The following SLC35F4 variants were observed in gnomAD, a reference collection of about 807,000 sequenced individuals.
SLC35F4 encodes solute carrier family 35 member F4.
In SLC35F4, 24 loss-of-function variants were observed where a neutral mutation model predicts 44.2. That is an observed-to-expected ratio of 0.54 (90% CI 0.39 to 0.76). SLC35F4 has a LOEUF of 0.76. SLC35F4 is among the 30% of genes least tolerant of loss of function. The pLI, the probability that SLC35F4 is intolerant of heterozygous loss-of-function variation, is 0.00. For missense variants in SLC35F4, 562 were observed against 586.1 expected (o/e 0.96, Z 0.42); for synonymous variants, 238 against 223.6 (o/e 1.06, Z -0.57).
intron 1 of SLC35F4, among the ~76,000 whole-genome samples, chr14:57,605,406 T>C (rs1480477955): frequency 6.6e-6 from 1 of 152,152 alleles, no homozygotes; most frequent in African/African-American, 2.4e-5. Flanking sequence ...CACAGTGACA[T>C]ACCGTCTCAC....
chr14:57,691,270 G>A (rs2075224444), intron 1 of SLC35F4, among the ~76,000 whole-genome samples: 1 of 152,170 alleles, frequency 6.6e-6, no homozygotes, highest in African/African-American at 2.4e-5. Context: ...GCAGAAAGAT[G>A]AAATGCTAGT....
At chr14:57,691,852 T>A (rs922077299) in intron 1 of SLC35F4, among the ~76,000 whole-genome samples, 2 of 151,860 alleles carry the variant, frequency 1.3e-5, no homozygotes, top group African/African-American at 4.8e-5. Context: ...GCTACGGGGG[T>A]GGAGGGCCTT....
At chr14:57,913,769 A>G (rs892202554) in intron 1 of SLC35F4, among the ~76,000 whole-genome samples, 10 of 152,106 alleles carry the variant, frequency 6.6e-5, no homozygotes, top group East Asian at 1.9e-4. Flanking sequence ...TCATTCTCCA[A>G]TGTTTTTCCT....
At chr14:57,804,269 A>G (rs1595104516) in intron 1 of SLC35F4, among the ~76,000 whole-genome samples, 1 of 152,188 alleles carries the variant, frequency 6.6e-6, no homozygotes, top group East Asian at 1.9e-4. Flanking sequence ...CAAAAAAACT[A>G]TTTAAAAATT....
chr14:57,973,035 C>T (rs563786793), downstream of SLC35F4, among the ~76,000 whole-genome samples: 45 of 152,254 alleles, frequency 3.0e-4, no homozygotes, highest in Middle Eastern at 3.4e-3. Flanking sequence ...TAAAGTCATT[C>T]TTTAGATTAG....
At chr14:57,768,622 T>C (rs750815310) in intron 1 of SLC35F4, among the ~76,000 whole-genome samples, 5 of 152,240 alleles carry the variant, frequency 3.3e-5, no homozygotes, top group African/African-American at 4.8e-5. Context: ...TAATAGCAGA[T>C]CACAATTTCT....
intron 1 of SLC35F4, among the ~76,000 whole-genome samples, chr14:57,682,703 T>C (rs1273198772): frequency 6.6e-6 from 1 of 152,010 alleles, no homozygotes; most frequent in East Asian, 1.9e-4. Flanking sequence ...TAAATTATAA[T>C]ACCCAGTGTT....
At chr14:57,711,114 G>C (rs2075808064) in intron 1 of SLC35F4, among the ~76,000 whole-genome samples, 2 of 152,134 alleles carry the variant, frequency 1.3e-5, no homozygotes, top group Admixed American at 1.3e-4. Flanking sequence ...TACCCAGTGG[G>C]TAGTGATTGG....
chr14:57,564,720 G>A (rs1034066677), intron 7 of SLC35F4, among the ~76,000 whole-genome samples: 6 of 152,086 alleles, frequency 3.9e-5, no homozygotes, highest in Admixed American at 2.6e-4. Flanking sequence ...ACTTGTGCAG[G>A]CTGTTCTTTT....
At chr14:57,631,157 T>C (rs1456349284) in intron 1 of SLC35F4, 1 of 152,284 alleles carries the variant, frequency 6.6e-6, no homozygotes, top group Non-Finnish European at 1.5e-5. Context: ...CTTGTCAAGG[T>C]GTCTTGTCAT....
chr14:57,668,685 C>T (rs139353432), intron 1 of SLC35F4, among the ~76,000 whole-genome samples: 2 of 151,872 alleles, frequency 1.3e-5, no homozygotes, highest in Non-Finnish European at 2.9e-5. Flanking sequence ...GTTCCATTGG[C>T]CTATATCTCT....
chr14:57,927,467 GTT>G (rs34018712), intron 1 of SLC35F4, among the ~76,000 whole-genome samples: 2 of 140,904 alleles, frequency 1.4e-5, no homozygotes, highest in South Asian at 2.3e-4. Flanking sequence ...GGTGGTTTGA[GTT>G]TTTTTTTTTT....
chr14:57,820,760 C>T (rs1883092707), intron 1 of SLC35F4, among the ~76,000 whole-genome samples: 1 of 152,054 alleles, frequency 6.6e-6, no homozygotes, highest in African/African-American at 2.4e-5. Context: ...AGTGTCAGAT[C>T]TCATGACAAG....
intron 1 of SLC35F4, among the ~76,000 whole-genome samples, chr14:57,604,709 C>T: frequency 6.6e-6 from 1 of 152,128 alleles, no homozygotes. Flanking sequence ...CAAACTAATG[C>T]TACAAGGCTA....
At chr14:57,639,487 T>C (rs1029819298) in intron 1 of SLC35F4, among the ~76,000 whole-genome samples, 1 of 152,030 alleles carries the variant, frequency 6.6e-6, no homozygotes, top group African/African-American at 2.4e-5. Context: ...TATGTTCAGA[T>C]TGGGTTTACC....
At chr14:57,921,698 T>C (rs1462830611) in intron 1 of SLC35F4, among the ~76,000 whole-genome samples, 1 of 152,182 alleles carries the variant, frequency 6.6e-6, no homozygotes, top group Admixed American at 6.5e-5. Flanking sequence ...TGTCTTCCCT[T>C]CATGTGGGTC....
At chr14:57,651,111 C>A (rs1007444464) in intron 1 of SLC35F4, among the ~76,000 whole-genome samples, 1 of 152,160 alleles carries the variant, frequency 6.6e-6, no homozygotes, top group African/African-American at 2.4e-5. Flanking sequence ...TAGTGCCTCC[C>A]TCTCCCATTA....
chr14:57,640,905 A>G (rs2073202094), intron 1 of SLC35F4, among the ~76,000 whole-genome samples: 1 of 152,026 alleles, frequency 6.6e-6, no homozygotes, highest in Non-Finnish European at 1.5e-5. Flanking sequence ...GGCAATTGAT[A>G]TAGCATGAAC....
intron 1 of SLC35F4, among the ~76,000 whole-genome samples, chr14:57,964,989 A>ATATATATATATAT (rs1351434287): frequency 1.5e-4 from 19 of 127,900 alleles, no homozygotes; most frequent in African/African-American, 5.6e-4. Context: ...AAAAAAAAAA[A>ATATATATATATAT]AAATATATAT....
Sources: gnomAD v4.1 joint callset for allele counts (sites outside exome capture counted in the v4.1 genomes callset) on GRCh38, gnomAD v4.1.1 for gene constraint, MANE v1.5 for transcripts, NCBI Gene and HGNC (gene_info 2026-07-23, HGNC 2026-07-21) for gene names.